The following PLEKHM1 variants were observed in gnomAD, a reference collection of about 807,000 sequenced individuals.
The protein encoded by PLEKHM1 is pleckstrin homology domain-containing family M member 1.
Under a neutral mutation model 94.3 loss-of-function variants are expected in PLEKHM1, and 28 were observed. The observed-to-expected ratio is 0.30, with a 90% confidence interval of 0.22 to 0.41. PLEKHM1 has a LOEUF of 0.41. Ranked by LOEUF, PLEKHM1 falls within the 10% of genes least tolerant of loss-of-function variation. The pLI is 1.00. For synonymous variants in PLEKHM1, 424 were observed against 581.2 expected (o/e 0.73, Z 3.89); for missense variants, 907 against 1,358.6 (o/e 0.67, Z 5.22).
At position 45,444,857 on chromosome 17, in the gene PLEKHM1, G is replaced by C. The variant is rs574896915; in HGVS notation, c.2837+613C>G. ...AGCCTCTGTGGTTCCAGGACGTCCT[G>C]CCTCTCACCCTCACCCCCAGATGGA... On this transcript the variant is annotated intron_variant, in intron 9 of 11. Coordinates refer to ENST00000430334, the MANE Select transcript of PLEKHM1 (RefSeq NM_014798.3). This position sits in a 1 kb window ranked among gnomAD's most constrained non-coding sequence, Gnocchi z 5.0. Among the ~76,000 whole-genome samples, 22 of 151,968 alleles carry C rather than the reference G, an allele frequency of 1.4e-4. 1 individual carries two copies. Among genetic ancestry groups the C allele is most frequent in the African/African-American group, 5.3e-4 (22 of 41,442 alleles).
At chr17:45,477,531 T>C (rs1004395752) in intron 3 of PLEKHM1, 6 of 353,854 alleles carry the variant, frequency 1.7e-5, no homozygotes, top group African/African-American at 1.1e-4. Flanking sequence ...AAGGGCCAGA[T>C]AGTATATTCT....
chr17:45,438,537 GA>G (rs1016055266), intron 11 of PLEKHM1, among the ~76,000 whole-genome samples: 3 of 147,780 alleles, frequency 2.0e-5, no homozygotes, highest in South Asian at 2.2e-4. Context: ...ATCTCAAAAA[GA>G]AAAAAAAAAT....
chr17:45,473,189 A>G (rs2051572919), intron 4 of PLEKHM1, among the ~76,000 whole-genome samples: 1 of 152,184 alleles, frequency 6.6e-6, no homozygotes, highest in Non-Finnish European at 1.5e-5. Context: ...AAAAGACCAC[A>G]TACACAAGGT....
intron 1 of PLEKHM1, among the ~76,000 whole-genome samples, chr17:45,484,297 G>A (rs570586555): frequency 1.8e-3 from 277 of 152,264 alleles, no homozygotes; most frequent in Non-Finnish European, 2.1e-3. Flanking sequence ...CTGATTTAGA[G>A]GAGATTTAAC....
chr17:45,434,810 A>G (rs2050221585), downstream of PLEKHM1, among the ~76,000 whole-genome samples: 1 of 151,820 alleles, frequency 6.6e-6, no homozygotes, highest in Non-Finnish European at 1.5e-5. Context: ...GAATCTCCAA[A>G]CCACCTGTCC....
chr17:45,457,172 GAAAAAAAAA>G lies in PLEKHM1; in HGVS notation c.1579+988_1579+996del, dbSNP rs980455854. On this transcript the variant is annotated intron_variant, in intron 6 of 11. Coordinates refer to ENST00000430334, the MANE Select transcript of PLEKHM1 (RefSeq NM_014798.3). The stretch of plus-strand genomic sequence containing the variant: ...GGTGACAGAGCAAGACTCTGCCTCA[GAAAAAAAAA>G]AAAAAAAAAAAAGAAGCACTGGAGG... 8.2e-4 allele frequency among the ~76,000 whole-genome samples: 46 copies of G among 56,312 alleles called. No individual in the cohort carries two copies. The South Asian group carries it at 8.2e-3, about 10-fold the overall frequency. 36.9% of individuals were successfully genotyped at this position (56,312 alleles called of 152,430 possible). A position where few individuals can be genotyped will look rare whatever the true frequency, so the allele number is the denominator to read the frequency against.
At position 45,436,384 on chromosome 17, in the gene PLEKHM1, C is replaced by T. The variant is rs940719317; in HGVS notation, c.*1474G>A. 6 of 454,170 alleles carry T rather than the reference C, an allele frequency of 1.3e-5. No individual in the cohort carries two copies. Among genetic ancestry groups the T allele is most frequent in the Non-Finnish European group, 2.2e-5 (5 of 226,770 alleles). 28.1% of individuals were successfully genotyped at this position (454,170 alleles called of 1,614,324 possible). ...TGCGCAGCCTCCACCTGCCTGCCAC[C>T]GTTGCCTCTGTTCTGCTGCACAGGC... On this transcript the variant is annotated 3_prime_UTR_variant, in exon 12 of 12. Coordinates refer to ENST00000430334, the MANE Select transcript of PLEKHM1 (RefSeq NM_014798.3).
At chr17:45,481,291 C>G (rs988100401) in intron 2 of PLEKHM1, among the ~76,000 whole-genome samples, 5 of 151,866 alleles carry the variant, frequency 3.3e-5, no homozygotes, top group African/African-American at 7.3e-5. Context: ...TTTATACATT[C>G]TGGATACTAG....
At chr17:45,472,076 A>T (rs2051531105) in intron 4 of PLEKHM1, among the ~76,000 whole-genome samples, 1 of 152,224 alleles carries the variant, frequency 6.6e-6, no homozygotes, top group East Asian at 1.9e-4. Context: ...TTGATTTTAT[A>T]TGTGTAATGA....
chr17:45,489,389 C>T (rs539231766), intron 1 of PLEKHM1, among the ~76,000 whole-genome samples: 40 of 152,346 alleles, frequency 2.6e-4, no homozygotes, highest in Admixed American at 7.2e-4. Context: ...CCACAGCCAA[C>T]ACCACACAGA....
chr17:45,460,840 T>G (rs2051130181), intron 5 of PLEKHM1, among the ~76,000 whole-genome samples: 2 of 152,228 alleles, frequency 1.3e-5, no homozygotes, highest in South Asian at 4.1e-4. Context: ...GTCACAGGCA[T>G]GAGCCACCTG....
Position 45,437,589 on chromosome 17 carries a change from G to A in PLEKHM1, c.*269C>T, listed in dbSNP as rs1364692808. 22 of 652,348 alleles carry A rather than the reference G, an allele frequency of 3.4e-5. No homozygotes were observed. Among genetic ancestry groups the A allele is most frequent in the Admixed American group, 1.7e-4 (8 of 48,412 alleles). The allele number at this position is 652,348 out of a possible 1,614,324, so 40.4% of individuals were successfully genotyped here. ...CGGGACGCTGGTGAGCCAGGGCCTGGTGAGTAAACGGCCCTGCCTGCCCCA... is the reference window on the plus strand; with the variant it reads ...CGGGACGCTGGTGAGCCAGGGCCTGATGAGTAAACGGCCCTGCCTGCCCCA... On this transcript the variant is annotated 3_prime_UTR_variant, in exon 12 of 12. Coordinates refer to ENST00000430334, the MANE Select transcript of PLEKHM1 (RefSeq NM_014798.3). The surrounding 1 kb of genome is among the most constrained non-coding windows in gnomAD (Gnocchi z 4.0).
chr17:45,440,314 TC>T (rs2050407973), intron 9 of PLEKHM1, 88 bp from the exon 10 acceptor site: 3 of 1,330,056 alleles, frequency 2.3e-6, no homozygotes, highest in Middle Eastern at 1.8e-4. Context: ...CTGGCGCTGC[TC>T]ACCAGGCAGA....
rs1184866642 is a variant in PLEKHM1 at position 45,458,295 on chromosome 17, G to A, written c.1453C>T (p.Pro485Ser). ...GCCCCCAGGGAGCAGTTTTTTCTTGGTTCTTGAGAAAAATGCCTGTGGAGA... is the reference window on the plus strand; with the variant it reads ...GCCCCCAGGGAGCAGTTTTTTCTTGATTCTTGAGAAAAATGCCTGTGGAGA... ...PGLHRHFSQE[P>S]RKNCSLGALD... The change falls in exon 6 of 12, where the codon CCA becomes TCA. Residue 485 changes from proline to serine, a missense_variant. Pro to Ser is a moderately conservative substitution (Grantham distance 74, BLOSUM62 -1). Coordinates refer to ENST00000430334, the MANE Select transcript of PLEKHM1 (RefSeq NM_014798.3). 1.9e-6 allele frequency: 3 copies of A among 1,613,072 alleles called. No homozygotes were observed. Among genetic ancestry groups the A allele is most frequent in the Non-Finnish European group, 2.5e-6 (3 of 1,179,440 alleles).
In PLEKHM1 at chr17:45,454,125, T is replaced by C. The variant is rs2050870635; in HGVS notation, c.1727A>G (p.Asn576Ser). 2.5e-6 allele frequency: 4 copies of C among 1,614,160 alleles called. No homozygotes were observed. Among genetic ancestry groups the C allele is most frequent in the Non-Finnish European group, 3.4e-6 (4 of 1,180,040 alleles). ...LSNEEHTCVE[N>S]CSLLRCESVG... ...AGACTCACAGCGAAGCAGCGAGCAGTTCTCCACACAGGTGTGCTCCTCGTT... is the reference window on the plus strand; with the variant it reads ...AGACTCACAGCGAAGCAGCGAGCAGCTCTCCACACAGGTGTGCTCCTCGTT... The change falls in exon 7 of 12, where the codon AAC becomes AGC. Residue 576 changes from asparagine (N) to serine (S), a missense_variant. By Grantham distance (46) the Asn-to-Ser change is conservative (BLOSUM62 1). Coordinates refer to ENST00000430334, the MANE Select transcript of PLEKHM1 (RefSeq NM_014798.3).
rs547330644 is a variant in PLEKHM1 at position 45,464,871 on chromosome 17, C to T, written c.1308+3338G>A. Among the ~76,000 whole-genome samples the T allele has an allele frequency of 8.1e-4, 123 of 152,328 alleles. 2 individuals are homozygous for T. In the East Asian group the frequency reaches 0.018, roughly 22 times the overall value. On this transcript the variant is annotated intron_variant, in intron 5 of 11. Transcript: ENST00000430334. ...CGTGAGCTATCACGCCTCGCCTGAA[C>T]GTCCATAATCTTAAGTTTCACATTT...
At chr17:45,462,443 G>A (rs2051179498) in intron 5 of PLEKHM1, among the ~76,000 whole-genome samples, 1 of 151,948 alleles carries the variant, frequency 6.6e-6, no homozygotes, top group Non-Finnish European at 1.5e-5. Context: ...GAAGTTGTGT[G>A]ATCTCCAGCG....
In PLEKHM1 at chr17:45,490,715, C is replaced by G. The variant is rs1232281887; in HGVS notation, c.-105G>C. On this transcript the variant is annotated 5_prime_UTR_variant, in exon 1 of 12. Coordinates refer to ENST00000430334, the MANE Select transcript of PLEKHM1 (RefSeq NM_014798.3). Reference sequence around the variant, plus strand: ...CGCGGCAGCCCCTCAGCCTCCGAGCCGACGATGCGGTCTCTCGGCCACTGA... The same window carrying G: ...CGCGGCAGCCCCTCAGCCTCCGAGCGGACGATGCGGTCTCTCGGCCACTGA... The G allele has an allele frequency of 2.2e-6, 1 of 451,192 alleles. No homozygotes were observed. The highest frequency in any genetic ancestry group is 4.4e-6 in the Non-Finnish European group (1 of 225,022). 27.9% of individuals were successfully genotyped at this position (451,192 alleles called of 1,614,324 possible).
rs188349784 is a variant in PLEKHM1 at position 45,464,447 on chromosome 17, C to T, written c.1308+3762G>A. 1.1e-4 allele frequency among the ~76,000 whole-genome samples: 16 copies of T among 152,304 alleles called. No individual in the cohort carries two copies. In the South Asian group the frequency reaches 1.9e-3, roughly 18 times the overall value. On this transcript the variant is annotated intron_variant, in intron 5 of 11. Coordinates refer to ENST00000430334, the MANE Select transcript of PLEKHM1 (RefSeq NM_014798.3). ...CCAAAATAACATCAAATAAAAAGCA[C>T]GTGGCTAACTGATAGAAGTACAGAA...
Sources: allele counts gnomAD v4.1 joint callset (sites outside exome capture counted in the v4.1 genomes callset), GRCh38; gene constraint gnomAD v4.1.1; non-coding constraint Gnocchi (gnomAD v3.1); transcripts MANE v1.5; gene names NCBI Gene and HGNC (gene_info 2026-07-23, HGNC 2026-07-21).